The following MARK3 variants were observed in gnomAD, a reference collection of about 807,000 sequenced individuals.
MARK3 encodes microtubule affinity regulating kinase 3, also known as MAP/microtubule affinity-regulating kinase 3.
MARK3 carries 46 observed loss-of-function variants against 90.1 expected under a neutral mutation model. That is an observed-to-expected ratio of 0.51 (90% CI 0.40 to 0.65). MARK3 has a LOEUF of 0.65. MARK3 is among the 30% of genes least tolerant of loss of function. The pLI is 0.00. For missense variants in MARK3, 818 were observed against 947.2 expected (o/e 0.86, Z 1.79); for synonymous variants, 321 against 332.6 (o/e 0.97, Z 0.38).
intron 2 of MARK3, chr14:103,417,377 A>T (rs2091992707): frequency 6.6e-6 from 1 of 152,214 alleles, no homozygotes; most frequent in African/African-American, 2.4e-5. Flanking sequence ...AAGGTAGAAG[A>T]AGTTAGTTAA....
chr14:103,488,607 C>T (rs145863309), intron 14 of MARK3, among the ~76,000 whole-genome samples: 52 of 152,312 alleles, frequency 3.4e-4, no homozygotes, highest in East Asian at 2.5e-3. Context: ...ATAATCCCAG[C>T]ACTTTGGGAG....
At chr14:103,498,208 T>TAAA (rs35854622) in intron 15 of MARK3, among the ~76,000 whole-genome samples, 1 of 146,918 alleles carries the variant, frequency 6.8e-6, no homozygotes. Flanking sequence ...ACTCTGTCTT[T>TAAA]AAAAAAAAAA....
intron 14 of MARK3, 89 bp from the exon 15 acceptor site, chr14:103,491,688 G>A (rs186755338): frequency 3.9e-5 from 56 of 1,420,106 alleles, no homozygotes; most frequent in Admixed American, 2.1e-4. Flanking sequence ...TTTTATACCC[G>A]ATTTTCTCCA....
At chr14:103,485,559 C>CACCAT (rs1378548294) in intron 14 of MARK3, among the ~76,000 whole-genome samples, 3 of 152,114 alleles carry the variant, frequency 2.0e-5, no homozygotes, top group Non-Finnish European at 2.9e-5. Context: ...AGGCATGAGC[C>CACCAT]ACCATGCCTG....
At chr14:103,454,268 T>C (rs2093225055) in intron 5 of MARK3, among the ~76,000 whole-genome samples, 1 of 152,028 alleles carries the variant, frequency 6.6e-6, no homozygotes, top group Admixed American at 6.5e-5. Context: ...TTTTTTCTTT[T>C]TGGAGACAGG....
At chr14:103,466,144 C>G (rs2093498104) in intron 9 of MARK3, 53 bp downstream of exon 9, 2 of 1,589,948 alleles carry the variant, frequency 1.3e-6, no homozygotes, top group East Asian at 2.2e-5. Context: ...TTAGAGTGAC[C>G]TTAGATCTTT....
At chr14:103,426,526 T>C (rs1422324180) in intron 2 of MARK3, among the ~76,000 whole-genome samples, 3 of 152,110 alleles carry the variant, frequency 2.0e-5, no homozygotes, top group Non-Finnish European at 2.9e-5. Context: ...TTTGATCTTA[T>C]GGGGGTGGGC....
chr14:103,449,985 A>G (rs2093093344), intron 4 of MARK3, among the ~76,000 whole-genome samples: 1 of 152,226 alleles, frequency 6.6e-6, no homozygotes, highest in South Asian at 2.1e-4. Flanking sequence ...CCACAGGAAG[A>G]AAGAAGCTTT....
At chr14:103,448,886 GGGA>G in intron 3 of MARK3, 30 bp from the exon 4 acceptor site, 11 of 1,524,534 alleles carry the variant, frequency 7.2e-6, no homozygotes, top group Non-Finnish European at 8.9e-6. Context: ...TTGTGTTGGG[GGGA>G]TTATGTGTTT....
chr14:103,488,207 G>C (rs1377912585), intron 14 of MARK3, among the ~76,000 whole-genome samples: 1 of 152,044 alleles, frequency 6.6e-6, no homozygotes, highest in Non-Finnish European at 1.5e-5. Flanking sequence ...AATATAAAAG[G>C]GCTGTTAGTT....
chr14:103,428,107 A>T (rs974109684), intron 2 of MARK3, among the ~76,000 whole-genome samples: 1 of 152,140 alleles, frequency 6.6e-6, no homozygotes, highest in Admixed American at 6.5e-5. Context: ...ATCATCTGTA[A>T]CTTCTTCAAG....
intron 14 of MARK3, among the ~76,000 whole-genome samples, chr14:103,486,957 AC>A (rs1344066308): frequency 1.3e-5 from 2 of 151,710 alleles, no homozygotes; most frequent in Admixed American, 1.3e-4. Context: ...TCTCTCTGTC[AC>A]CCAGACTGGA....
chr14:103,454,724 A>G (rs1322693197), intron 5 of MARK3, among the ~76,000 whole-genome samples: 1 of 152,184 alleles, frequency 6.6e-6, no homozygotes, highest in Non-Finnish European at 1.5e-5. Context: ...GAATTTTAGA[A>G]TTGAAAATAA....
intron 13 of MARK3, among the ~76,000 whole-genome samples, chr14:103,477,831 T>A (rs1156324179): frequency 1.3e-5 from 2 of 150,582 alleles, no homozygotes; most frequent in African/African-American, 4.9e-5. Context: ...ACAAAAAAAA[T>A]TAAAAAGAAA....
intron 1 of MARK3, among the ~76,000 whole-genome samples, chr14:103,388,159 G>A (rs2089959657): frequency 2.6e-5 from 4 of 152,110 alleles, no homozygotes; most frequent in Non-Finnish European, 4.4e-5. Context: ...TCAAACTCCC[G>A]ACTTCAGGTG....
chr14:103,441,016 ATTTT>A (rs1201662449), intron 3 of MARK3, among the ~76,000 whole-genome samples: 2 of 150,382 alleles, frequency 1.3e-5, no homozygotes, highest in East Asian at 3.9e-4. Flanking sequence ...GAGGTCATGC[ATTTT>A]TTCATATTTA....
chr14:103,478,782 A>G (rs1019267700), intron 13 of MARK3, among the ~76,000 whole-genome samples: 1 of 151,222 alleles, frequency 6.6e-6, no homozygotes, highest in East Asian at 2.0e-4. Flanking sequence ...CAGGTGATCC[A>G]CCCGCCTCGG....
intron 1 of MARK3, among the ~76,000 whole-genome samples, chr14:103,393,157 A>G (rs773848510): frequency 1.3e-5 from 2 of 151,512 alleles, no homozygotes; most frequent in African/African-American, 2.4e-5. Flanking sequence ...ATTTTTTTGT[A>G]TTTTCGGTAG....
chr14:103,465,852 T>C (rs1483117959), intron 8 of MARK3, 59 bp downstream of exon 8: 2 of 1,540,806 alleles, frequency 1.3e-6, no homozygotes, highest in Non-Finnish European at 1.8e-6. Context: ...TAATATTACA[T>C]GGCTTAATAT....
Sources: gnomAD v4.1 joint callset for allele counts (sites outside exome capture counted in the v4.1 genomes callset) on GRCh38, gnomAD v4.1.1 for gene constraint, MANE v1.5 for transcripts, NCBI Gene and HGNC (gene_info 2026-07-23, HGNC 2026-07-21) for gene names.